Variants in FRMD4B observed in about 807,000 individuals in gnomAD.
The protein encoded by FRMD4B is FERM domain containing 4B, also known as FERM domain-containing protein 4B.
In FRMD4B, 74 loss-of-function variants were observed where a neutral mutation model predicts 141.5. The ratio of observed to expected loss-of-function variants is 0.52; its 90% CI spans 0.43 to 0.63. FRMD4B has a LOEUF of 0.63. FRMD4B is among the 30% of genes least tolerant of loss of function. FRMD4B has a pLI of 0.00. For synonymous variants in FRMD4B, 506 were observed against 467.9 expected (o/e 1.08, Z -1.05); for missense variants, 1,366 against 1,253.4 (o/e 1.09, Z -1.36).
chr3:69,171,639 A>G lies in FRMD4B; in HGVS notation c.*222T>C, dbSNP rs2092587492. 2 of 495,326 alleles carry G rather than the reference A, an allele frequency of 4.0e-6. No homozygotes were observed. The highest frequency in any genetic ancestry group is 6.8e-5 in the Admixed American group (2 of 29,532). The allele number at this position is 495,326 out of a possible 1,614,324, so 30.7% of individuals were successfully genotyped here. On this transcript the variant is annotated 3_prime_UTR_variant, in exon 23 of 23. Transcript: ENST00000398540. The stretch of plus-strand genomic sequence containing the variant: ...ACTTCAACATGTGGGCAGACCCTAC[A>G]GTTACGTTAGTGCCTAGAGTTTGAA...
intron 7 of FRMD4B, among the ~76,000 whole-genome samples, chr3:69,241,799 G>A (rs551561940): frequency 1.3e-5 from 2 of 152,154 alleles, no homozygotes; most frequent in South Asian, 4.2e-4. Flanking sequence ...AACCCAGGAG[G>A]CGGAGTTTGC....
chr3:69,295,589 G>A (rs897113672), intron 4 of FRMD4B, among the ~76,000 whole-genome samples: 1 of 152,162 alleles, frequency 6.6e-6, no homozygotes, highest in Admixed American at 6.5e-5. Context: ...CAAGTGCTGG[G>A]ATTACAGGTG....
chr3:69,425,588 C>T (rs981441403), intron 2 of FRMD4B, among the ~76,000 whole-genome samples: 2 of 152,176 alleles, frequency 1.3e-5, no homozygotes, highest in Non-Finnish European at 2.9e-5. Context: ...CCCTACCTTT[C>T]GTGATGGCTT....
chr3:69,423,994 G>C (rs773434960), intron 2 of FRMD4B, among the ~76,000 whole-genome samples: 5 of 152,120 alleles, frequency 3.3e-5, no homozygotes, highest in Admixed American at 1.3e-4. Flanking sequence ...TAAGTGGAAG[G>C]CAGCTGCAAT....
chr3:69,334,470 C>CAAAAAAAAAAAAAAAAAATAAAAAAAAAA (rs35195297), intron 1 of FRMD4B: 1 of 96,522 alleles, frequency 1.0e-5, no homozygotes, highest in African/African-American at 3.9e-5. Context: ...CTTATCTCTA[C>CAAAAAAAAAAAAAAAAAATAAAAAAAAAA]AAAAAAAAAA....
intron 18 of FRMD4B, 75 bp from the exon 19 acceptor site, chr3:69,187,992 CA>C: frequency 1.3e-6 from 1 of 773,848 alleles, no homozygotes; most frequent in Non-Finnish European, 2.1e-6. Flanking sequence ...GCCAATACCT[CA>C]AAAAAGAAAT....
intron 4 of FRMD4B, chr3:69,292,972 C>A (rs1484989140): frequency 2.2e-6 from 1 of 448,900 alleles, no homozygotes; most frequent in Non-Finnish European, 4.5e-6. Context: ...TGGAGACAAA[C>A]CTCGGCTTCA....
intron 1 of FRMD4B, among the ~76,000 whole-genome samples, chr3:69,362,180 TTATAAA>T (rs1316735072): frequency 6.6e-6 from 1 of 152,206 alleles, no homozygotes; most frequent in Non-Finnish European, 1.5e-5. Flanking sequence ...TTCCTGTTTA[TTATAAA>T]TATAAACTCC....
At chr3:69,173,646 G>T (rs966454268) in intron 22 of FRMD4B, among the ~76,000 whole-genome samples, 4 of 152,064 alleles carry the variant, frequency 2.6e-5, no homozygotes, top group Admixed American at 1.3e-4. Context: ...ATCCTAAAAA[G>T]AATCCTAAAT....
At chr3:69,235,515 T>C (rs1263058450) in intron 7 of FRMD4B, among the ~76,000 whole-genome samples, 2 of 151,016 alleles carry the variant, frequency 1.3e-5, no homozygotes, top group African/African-American at 4.9e-5. Context: ...AAAAATCAGC[T>C]GGGTGTGGTG....
intron 17 of FRMD4B, among the ~76,000 whole-genome samples, 163 bp from the exon 18 acceptor site, chr3:69,190,115 C>G (rs764802208): frequency 7.9e-5 from 12 of 152,152 alleles, no homozygotes; most frequent in Non-Finnish European, 1.5e-4. Context: ...GACTCATATA[C>G]TAACAAAAAT....
chr3:69,512,361 T>C (rs966792958), intron 1 of FRMD4B, among the ~76,000 whole-genome samples: 4 of 152,380 alleles, frequency 2.6e-5, no homozygotes, highest in African/African-American at 9.6e-5. Context: ...GCATAATTTC[T>C]TGGGTTAATG....
In FRMD4B at chr3:69,345,879, G is replaced by A. The variant is rs150301405; in HGVS notation, c.163-32362C>T. ...AAGGTAGACAAAACCACAAAGATGG[G>A]GAAAAAACAGAGCAGAAAAGCTGAA... On this transcript the variant is annotated intron_variant, in intron 1 of 22. Coordinates refer to ENST00000398540, the MANE Select transcript of FRMD4B (RefSeq NM_015123.3). 5.3e-3 allele frequency among the ~76,000 whole-genome samples: 801 copies of A among 152,154 alleles called. 5 individuals carry two copies. Among genetic ancestry groups the A allele is most frequent in the African/African-American group, 0.018 (757 of 41,518 alleles).
chr3:69,320,225 A>C (rs1321223681), intron 1 of FRMD4B, among the ~76,000 whole-genome samples: 4 of 152,236 alleles, frequency 2.6e-5, no homozygotes, highest in African/African-American at 9.7e-5. Context: ...TGTCAATTAA[A>C]AAATTTTTTT....
intron 5 of FRMD4B, among the ~76,000 whole-genome samples, chr3:69,286,176 A>G (rs1053088017): frequency 1.3e-5 from 2 of 152,268 alleles, no homozygotes; most frequent in Non-Finnish European, 2.9e-5. Flanking sequence ...AGAAAGAATC[A>G]TAACAGACAG....
At chr3:69,333,927 C>T (rs752583237) in intron 1 of FRMD4B, 1 of 152,158 alleles carries the variant, frequency 6.6e-6, no homozygotes, top group Non-Finnish European at 1.5e-5. Flanking sequence ...CTTTTATTTA[C>T]AGATCACGAG....
intron 11 of FRMD4B, among the ~76,000 whole-genome samples, chr3:69,212,359 C>CAAAAAAAAAAAA (rs869309749): frequency 1.1e-3 from 29 of 25,242 alleles, no homozygotes; most frequent in East Asian, 6.7e-3. Context: ...AACCCCGTCT[C>CAAAAAAAAAAAA]AAAAAAAAAA....
chr3:69,479,864 C>T (rs148463739), intron 1 of FRMD4B, among the ~76,000 whole-genome samples: 3,741 of 152,304 alleles, frequency 0.025, 170 homozygotes, highest in African/African-American at 0.085. Context: ...TAGATTTGGT[C>T]TTTTCACATA....
At chr3:69,453,421 T>C (rs1438561115) in intron 1 of FRMD4B, among the ~76,000 whole-genome samples, 2 of 152,188 alleles carry the variant, frequency 1.3e-5, no homozygotes, top group Non-Finnish European at 2.9e-5. Flanking sequence ...GCACCGTGCA[T>C]AGCGCCGGGC....
Sources: gnomAD v4.1 joint callset for allele counts (sites outside exome capture counted in the v4.1 genomes callset) on GRCh38, gnomAD v4.1.1 for gene constraint, MANE v1.5 for transcripts, NCBI Gene and HGNC (gene_info 2026-07-23, HGNC 2026-07-21) for gene names.